The following OBI1 variants were observed in gnomAD, a reference collection of about 807,000 sequenced individuals.
The protein encoded by OBI1 is ORC ubiquitin ligase 1.
Under a neutral mutation model 62.4 loss-of-function variants are expected in OBI1, and 59 were observed. That is an observed-to-expected ratio of 0.95 (90% CI 0.77 to 1.17). The LOEUF (loss-of-function observed/expected upper bound fraction) is 1.17, where lower values mean the gene tolerates loss of function less well. OBI1 is among the 50% of genes most tolerant of loss of function. The probability of loss-of-function intolerance (pLI) is 0.00; values close to 1 mark genes in which losing one functional copy is unlikely to be tolerated. For missense variants in OBI1, 875 were observed against 830.9 expected (o/e 1.05, Z -0.65); for synonymous variants, 302 against 292.8 (o/e 1.03, Z -0.32).
chr13:78,634,773 A>C (rs1875969810), intron 5 of OBI1, among the ~76,000 whole-genome samples: 1 of 152,222 alleles, frequency 6.6e-6, no homozygotes, highest in African/African-American at 2.4e-5. Flanking sequence ...AAGACTATCT[A>C]AGAAAATAGC....
rs763995541 is a variant in OBI1, at chr13:78,659,147, G to C, written c.-27C>G. 3 of 1,604,602 alleles carry C rather than the reference G, an allele frequency of 1.9e-6. No individual in the cohort carries two copies. The highest frequency in any genetic ancestry group is 2.6e-6 in the Non-Finnish European group (3 of 1,174,930). On this transcript the variant is annotated 5_prime_UTR_variant, in exon 1 of 6. Coordinates refer to ENST00000282003, the MANE Select transcript of OBI1 (RefSeq NM_024546.4). Reference sequence around the variant, plus strand: ...GCAGCGTTCAGAATCCCGCCAACACGGAAGTCCCGCCGACCTACCGCTACT... The same window carrying C: ...GCAGCGTTCAGAATCCCGCCAACACCGAAGTCCCGCCGACCTACCGCTACT...
chr13:78,647,367 C>A (rs929075955), intron 1 of OBI1, among the ~76,000 whole-genome samples: 4 of 152,242 alleles, frequency 2.6e-5, no homozygotes, highest in African/African-American at 9.6e-5. Context: ...AGGAGAAAAA[C>A]CGCCCTGTGG....
chr13:78,649,358 G>A (rs904108302), intron 1 of OBI1, among the ~76,000 whole-genome samples: 6 of 152,238 alleles, frequency 3.9e-5, no homozygotes, highest in African/African-American at 1.4e-4. Context: ...AGGCAAGAAA[G>A]TTTTTCAAGA....
intron 2 of OBI1, among the ~76,000 whole-genome samples, chr13:78,642,534 T>G (rs992161998): frequency 6.6e-6 from 1 of 152,238 alleles, no homozygotes; most frequent in Non-Finnish European, 1.5e-5. Context: ...AAAACTAGAC[T>G]ATATTTAAAT....
chr13:78,633,030 G>A (rs770750349), intron 5 of OBI1, among the ~76,000 whole-genome samples: 3 of 152,154 alleles, frequency 2.0e-5, no homozygotes, highest in Non-Finnish European at 4.4e-5. Context: ...ACACATCCTT[G>A]TGGCTGGCAT....
At chr13:78,643,334 G>A (rs1328679742) in intron 2 of OBI1, among the ~76,000 whole-genome samples, 1 of 152,082 alleles carries the variant, frequency 6.6e-6, no homozygotes, top group Non-Finnish European at 1.5e-5. Flanking sequence ...ACAGATAGAG[G>A]TTAACCCCGT....
intron 5 of OBI1, among the ~76,000 whole-genome samples, chr13:78,630,712 C>T (rs74097360): frequency 6.6e-6 from 1 of 152,110 alleles, no homozygotes; most frequent in Non-Finnish European, 1.5e-5. Context: ...GTCTATGAAG[C>T]AGGAAGTGGG....
intron 1 of OBI1, among the ~76,000 whole-genome samples, chr13:78,656,220 TG>T (rs1876696135): frequency 6.6e-6 from 1 of 152,142 alleles, no homozygotes. Flanking sequence ...TTCTGAAAAC[TG>T]AAAGGATGGG....
intron 1 of OBI1, among the ~76,000 whole-genome samples, chr13:78,656,597 A>G (rs1197075387): frequency 6.6e-6 from 1 of 151,120 alleles, no homozygotes; most frequent in Non-Finnish European, 1.5e-5. Context: ...AAAAAGAAAA[A>G]AAAAAGAAAA....
intron 5 of OBI1, among the ~76,000 whole-genome samples, chr13:78,618,043 C>T (rs1875374670): frequency 6.6e-6 from 1 of 151,850 alleles, no homozygotes; most frequent in Non-Finnish European, 1.5e-5. Context: ...GCTGGGAACA[C>T]AAAAGATAAA....
At chr13:78,658,119 G>T (rs528367142) in intron 1 of OBI1, among the ~76,000 whole-genome samples, 1 of 152,326 alleles carries the variant, frequency 6.6e-6, no homozygotes, top group African/African-American at 2.4e-5. Context: ...GCTTGCTCTA[G>T]AAGTTTGTAT....
chr13:78,630,309 G>C (rs932826578), intron 5 of OBI1, among the ~76,000 whole-genome samples: 1 of 152,058 alleles, frequency 6.6e-6, no homozygotes, highest in African/African-American at 2.4e-5. Flanking sequence ...CACAGAAGTA[G>C]GGAGAACATA....
rs10507894 is a variant in OBI1 at position 78,638,210 on chromosome 13, A to G, written c.549+613T>C. Among the ~76,000 whole-genome samples, 243 of 152,260 alleles carry G rather than the reference A, an allele frequency of 1.6e-3. 3 individuals carry two copies. The East Asian group carries it at 0.039, about 24-fold the overall frequency. On this transcript the variant is annotated intron_variant, in intron 4 of 5. Coordinates refer to ENST00000282003, the MANE Select transcript of OBI1 (RefSeq NM_024546.4). ...GGATCTTATCTCCCTTTCTAGGCCGAAAAATCCTAGAGGTTTGCCTTTTTC... is the reference window on the plus strand; with the variant it reads ...GGATCTTATCTCCCTTTCTAGGCCGGAAAATCCTAGAGGTTTGCCTTTTTC...
chr13:78,649,719 C>T (rs1003819416), intron 1 of OBI1, among the ~76,000 whole-genome samples: 2 of 152,006 alleles, frequency 1.3e-5, no homozygotes, highest in Admixed American at 1.3e-4. Context: ...CCTAAGAAGT[C>T]AAGAGGGGAA....
At position 78,616,101 on chromosome 13, in the gene OBI1, G is replaced by A; in HGVS notation, c.1660C>T (p.Pro554Ser). ...MMSESDNSKS[P>S]CNNGFKSLDL... ...AGTGACTTAAAACCGTTATTACAAG[G>A]GCTCTTGCTGTTGTCTGACTCTGAC... Residue 554 changes from proline to serine, a missense_variant, in exon 6 of 6, where the codon CCT becomes TCT. Physicochemically the swap from Pro to Ser is moderately conservative, Grantham distance 74. Coordinates refer to ENST00000282003, the MANE Select transcript of OBI1 (RefSeq NM_024546.4). 1 of 1,614,048 alleles carries A rather than the reference G, an allele frequency of 6.2e-7. No homozygotes were observed. The highest frequency in any genetic ancestry group is 8.5e-7 in the Non-Finnish European group (1 of 1,180,010).
At chr13:78,655,610 A>C (rs1289521877) in intron 1 of OBI1, among the ~76,000 whole-genome samples, 1 of 152,120 alleles carries the variant, frequency 6.6e-6, no homozygotes, top group Non-Finnish European at 1.5e-5. Flanking sequence ...ACTGGCATCT[A>C]TCTCTTCAGA....
Position 78,616,628 on chromosome 13 carries a change from T to C in OBI1, c.1133A>G (p.Tyr378Cys). The change falls in exon 6 of 6, where the codon TAC (tyrosine) becomes TGC (cysteine). Residue 378 changes from tyrosine to cysteine, a missense_variant. Coordinates refer to ENST00000282003, the MANE Select transcript of OBI1 (RefSeq NM_024546.4). ...AAGATCATAAAGTTCTTCATCTTTG[T>C]AGGGTACACAGTCACTTGGTTTATT... Reference protein sequence around the residue: ...WGNKPSDCVPYKDEELYDLPA... With the variant: ...WGNKPSDCVPCKDEELYDLPA... 6.2e-7 allele frequency: 1 copy of C among 1,614,166 alleles called. No individual in the cohort carries two copies. Among genetic ancestry groups the C allele is most frequent in the South Asian group, 1.1e-5 (1 of 91,078 alleles).
chr13:78,615,248 C>A lies in OBI1; in HGVS notation c.*332G>T, dbSNP rs1875219054. 1.6e-5 allele frequency: 3 copies of A among 186,962 alleles called. No individual in the cohort carries two copies. Among genetic ancestry groups the A allele is most frequent in the East Asian group, 1.4e-4 (1 of 7,100 alleles). 11.6% of individuals were successfully genotyped at this position (186,962 alleles called of 1,614,324 possible). ...AGTTAAATAACATTTTTTAAAAAAA[C>A]AATGTATATCCAACCGAGATACATA... On this transcript the variant is annotated 3_prime_UTR_variant, in exon 6 of 6. Transcript: ENST00000282003.
chr13:78,643,614 C>G (rs1441191697), intron 2 of OBI1, among the ~76,000 whole-genome samples: 1 of 152,126 alleles, frequency 6.6e-6, no homozygotes, highest in African/African-American at 2.4e-5. Flanking sequence ...CATGGAGAAA[C>G]CCCGTCTCTA....
Sources: allele counts gnomAD v4.1 joint callset (sites outside exome capture counted in the v4.1 genomes callset), GRCh38; gene constraint gnomAD v4.1.1; transcripts MANE v1.5; gene names NCBI Gene and HGNC (gene_info 2026-07-23, HGNC 2026-07-21).